Variants in SLC35F4 observed in about 807,000 individuals in gnomAD.
SLC35F4 encodes chromosome 14 open reading frame 36.
Under a neutral mutation model 44.2 loss-of-function variants are expected in SLC35F4, and 24 were observed. The observed-to-expected ratio is 0.54, with a 90% CI of 0.39 to 0.76. SLC35F4 has a LOEUF of 0.76. SLC35F4 is among the 30% of genes least tolerant of loss of function. The probability of loss-of-function intolerance (pLI) is 0.00; values close to 1 mark genes in which losing one functional copy is unlikely to be tolerated. For synonymous variants in SLC35F4, 238 were observed against 223.6 expected, an observed-to-expected ratio of 1.06 and a Z score of -0.57; for missense variants, 562 against 586.1, an observed-to-expected ratio of 0.96 and a Z score of 0.42.
At chr14:57,956,187 G>T (rs981607197) in intron 1 of SLC35F4, among the ~76,000 whole-genome samples, 1 of 152,098 alleles carries the variant, frequency 6.6e-6, no homozygotes, top group Non-Finnish European at 1.5e-5. Context: ...CAAGAAATGG[G>T]GAAAGCATTC....
intron 1 of SLC35F4, among the ~76,000 whole-genome samples, chr14:57,798,606 C>T (rs1244053877): frequency 6.6e-6 from 1 of 152,174 alleles, no homozygotes; most frequent in Admixed American, 6.6e-5. Flanking sequence ...AAGCATGATG[C>T]TGTCGAGCAC....
intron 1 of SLC35F4, among the ~76,000 whole-genome samples, chr14:57,730,728 G>A (rs1457857447): frequency 1.3e-5 from 2 of 152,038 alleles, no homozygotes; most frequent in Non-Finnish European, 2.9e-5. Flanking sequence ...ATTTCTCCCT[G>A]TTTCATTATT....
At chr14:57,627,201 C>T (rs1332650317) in intron 1 of SLC35F4, among the ~76,000 whole-genome samples, 2 of 152,104 alleles carry the variant, frequency 1.3e-5, no homozygotes, top group Non-Finnish European at 2.9e-5. Flanking sequence ...TTAAGATGAA[C>T]ATAACATAAA....
At chr14:57,682,092 C>T (rs2074923723) in intron 1 of SLC35F4, among the ~76,000 whole-genome samples, 1 of 152,170 alleles carries the variant, frequency 6.6e-6, no homozygotes, top group South Asian at 2.1e-4. Context: ...TGTGGCGATT[C>T]CTCAAGGATC....
At position 57,569,857 on chromosome 14, in the gene SLC35F4, C is replaced by T. The variant is rs1042530251; in HGVS notation, c.1057G>A (p.Val353Met). The change falls in exon 6 of 8, where the codon GTG becomes ATG. Residue 353 changes from valine to methionine, a missense_variant. By Grantham distance (21) the Val-to-Met change is conservative (BLOSUM62 1). Transcript: ENST00000556826. ...FTPVILYFTK[V>M]EHWSSFAALP... ...GCAGCAAAAGAGGACCAGTGCTCCACCTTGGTGAAATACAAGATGACTGGG... is the reference window on the plus strand; with the variant it reads ...GCAGCAAAAGAGGACCAGTGCTCCATCTTGGTGAAATACAAGATGACTGGG... 6.2e-7 allele frequency: 1 copy of T among 1,611,676 alleles called. No homozygotes were observed. The highest frequency in any genetic ancestry group is 8.5e-7 in the Non-Finnish European group (1 of 1,179,010).
At chr14:57,959,870 A>G (rs1890308905) in intron 1 of SLC35F4, among the ~76,000 whole-genome samples, 2 of 152,216 alleles carry the variant, frequency 1.3e-5, no homozygotes, top group South Asian at 4.1e-4. Flanking sequence ...CCAGGCTTTT[A>G]GACTGAGGCT....
chr14:57,935,748 A>G (rs946997339), intron 1 of SLC35F4, among the ~76,000 whole-genome samples: 1 of 152,236 alleles, frequency 6.6e-6, no homozygotes, highest in Non-Finnish European at 1.5e-5. Flanking sequence ...CAGAGACATA[A>G]ACCAACTGGA....
intron 1 of SLC35F4, among the ~76,000 whole-genome samples, chr14:57,772,883 T>G (rs1022376317): frequency 3.3e-5 from 5 of 152,220 alleles, no homozygotes; most frequent in Non-Finnish European, 7.3e-5. Context: ...ATAGTGGGAT[T>G]GCCAGATCAA....
At chr14:57,965,492 C>A (rs57667881) in intron 1 of SLC35F4, among the ~76,000 whole-genome samples, 1 of 152,082 alleles carries the variant, frequency 6.6e-6, no homozygotes, top group East Asian at 1.9e-4. Context: ...AGATCACATA[C>A]CCACAGGTTC....
At chr14:57,848,221 A>G (rs1886207788) in intron 1 of SLC35F4, among the ~76,000 whole-genome samples, 1 of 152,204 alleles carries the variant, frequency 6.6e-6, no homozygotes, top group Non-Finnish European at 1.5e-5. Context: ...TTTAAGGAAC[A>G]TTATGGCTTC....
At chr14:57,849,291 A>G (rs531936395) in intron 1 of SLC35F4, among the ~76,000 whole-genome samples, 22 of 152,234 alleles carry the variant, frequency 1.4e-4, no homozygotes, top group African/African-American at 5.3e-4. Context: ...CCCCCATAGT[A>G]GCTGGGATTA....
intron 1 of SLC35F4, among the ~76,000 whole-genome samples, chr14:57,904,605 C>CT (rs1406030090): frequency 4.6e-5 from 7 of 152,112 alleles, no homozygotes; most frequent in Non-Finnish European, 1.0e-4. Context: ...ATCTCTTTGC[C>CT]TTTTTGTAGG....
chr14:57,824,054 G>A (rs1883461162), intron 1 of SLC35F4, among the ~76,000 whole-genome samples: 1 of 151,996 alleles, frequency 6.6e-6, no homozygotes, highest in African/African-American at 2.4e-5. Context: ...GGCAATAATT[G>A]ATGGAACCTG....
upstream of SLC35F4, among the ~76,000 whole-genome samples, chr14:57,866,365 C>A (rs930785530): frequency 2.0e-5 from 3 of 152,168 alleles, no homozygotes; most frequent in Admixed American, 6.5e-5. Flanking sequence ...GGGGAGAAGA[C>A]ACTTCTGGGG....
chr14:57,726,532 T>C (rs1209671721), intron 1 of SLC35F4, among the ~76,000 whole-genome samples: 1 of 152,244 alleles, frequency 6.6e-6, no homozygotes, highest in Non-Finnish European at 1.5e-5. Context: ...TGACGTAAGA[T>C]TTATTGACTT....
At chr14:57,891,118 A>C (rs994029385) in intron 1 of SLC35F4, among the ~76,000 whole-genome samples, 4 of 152,198 alleles carry the variant, frequency 2.6e-5, no homozygotes, top group African/African-American at 9.6e-5. Context: ...TTCTTTGATG[A>C]GGTGAAAAAT....
At chr14:57,735,914 G>A (rs1338279550) in intron 1 of SLC35F4, among the ~76,000 whole-genome samples, 1 of 151,988 alleles carries the variant, frequency 6.6e-6, no homozygotes, top group Non-Finnish European at 1.5e-5. Context: ...AGAGATGGGG[G>A]TCTCACTGTA....
chr14:57,579,756 C>G (rs934348059), intron 4 of SLC35F4, among the ~76,000 whole-genome samples: 1 of 152,196 alleles, frequency 6.6e-6, no homozygotes, highest in Non-Finnish European at 1.5e-5. Flanking sequence ...GAAGTAGAGA[C>G]AGCTGACTTC....
chr14:57,972,122 A>C (rs922465523), downstream of SLC35F4, among the ~76,000 whole-genome samples: 4 of 152,182 alleles, frequency 2.6e-5, no homozygotes, highest in African/African-American at 9.7e-5. Flanking sequence ...AACTAGTGGA[A>C]GGCCAGGACT....
Sources: gnomAD v4.1 joint callset for allele counts (sites outside exome capture counted in the v4.1 genomes callset) on GRCh38, gnomAD v4.1.1 for gene constraint, MANE v1.5 for transcripts, NCBI Gene and HGNC (gene_info 2026-07-23, HGNC 2026-07-21) for gene names.